The following DGKQ variants were observed in gnomAD, a reference collection of about 807,000 sequenced individuals.
The protein encoded by DGKQ is DAG kinase theta.
Under a neutral mutation model 104.2 loss-of-function variants are expected in DGKQ, and 97 were observed. The ratio of observed to expected loss-of-function variants is 0.93; its 90% CI spans 0.79 to 1.10. The LOEUF (loss-of-function observed/expected upper bound fraction) is 1.10. DGKQ is among the 50% of genes least tolerant of loss of function. The probability of loss-of-function intolerance (pLI) is 0.00; values close to 1 mark genes in which losing one functional copy is unlikely to be tolerated. For synonymous variants in DGKQ, 736 were observed against 595.2 expected (o/e 1.24, Z -3.44); for missense variants, 1,465 against 1,352.1 (o/e 1.08, Z -1.31).
In DGKQ at chr4:961,184, C is replaced by T; in HGVS notation, c.2592G>A (p.Gly864=). The change falls in exon 22 of 23, where the codon GGG becomes GGA. Residue 864 remains glycine, a synonymous_variant. Coordinates refer to ENST00000273814, the MANE Select transcript of DGKQ (RefSeq NM_001347.4). ...GGGCAATCCGGATTCCGGAGCGCAG[C>T]CCACCCTGGACCTGGCCCTGGGGCG... ...GVVHMGQVQG[G]LRSGIRIAQG... The T allele has an allele frequency of 1.3e-6, 2 of 1,580,026 alleles. No individual in the cohort carries two copies. The highest frequency in any genetic ancestry group is 1.7e-6 in the Non-Finnish European group (2 of 1,163,586).
rs1458431205 is a variant in DGKQ, at chr4:960,305, C to G, written c.*315G>C. On this transcript the variant is annotated 3_prime_UTR_variant, in exon 23 of 23. Transcript: ENST00000273814. ...AGTGGGGAGAGGGATGGGTGCCCAC[C>G]CCTGAGGAGAGGACCAGGCCCCCAC... 1 of 443,246 alleles carries G rather than the reference C, an allele frequency of 2.3e-6. No homozygotes were observed. Among genetic ancestry groups the G allele is most frequent in the Admixed American group, 3.5e-5 (1 of 28,734 alleles). The allele number at this position is 443,246 out of a possible 1,614,324, so 27.5% of individuals were successfully genotyped here. A position where few individuals can be genotyped will look rare whatever the true frequency, so the allele number is the denominator to read the frequency against.
intron 22 of DGKQ, 95 bp downstream of exon 22, chr4:960,954 C>T (rs1054133143): frequency 3.4e-5 from 52 of 1,548,160 alleles, no homozygotes; most frequent in South Asian, 2.9e-4. Context: ...TGGCCGCAGC[C>T]GGCCATGCCA....
At position 960,547 on chromosome 4, in the gene DGKQ, G is replaced by A; in HGVS notation, c.*73C>T. On this transcript the variant is annotated 3_prime_UTR_variant, in exon 23 of 23. Coordinates refer to ENST00000273814, the MANE Select transcript of DGKQ (RefSeq NM_001347.4). Reference sequence around the variant, plus strand: ...CCGGCCACTGTGTGGACGTGGAGCTGCCTCCAGACCACCTGAAAACAAGGC... The same window carrying A: ...CCGGCCACTGTGTGGACGTGGAGCTACCTCCAGACCACCTGAAAACAAGGC... 3 of 1,397,172 alleles carry A rather than the reference G, an allele frequency of 2.1e-6. No homozygotes were observed. Among genetic ancestry groups the A allele is most frequent in the South Asian group, 1.2e-5 (1 of 84,840 alleles). The allele number at this position is 1,397,172 out of a possible 1,614,324, so 86.5% of individuals were successfully genotyped here. A position where few individuals can be genotyped will look rare whatever the true frequency, so the allele number is the denominator to read the frequency against.
intron 16 of DGKQ, 98 bp downstream of exon 16, chr4:963,041 C>T: frequency 6.7e-7 from 1 of 1,486,736 alleles, no homozygotes; most frequent in Non-Finnish European, 9.0e-7. Flanking sequence ...AGCACGGGAT[C>T]CCCGTGGAGC....
intron 14 of DGKQ, 40 bp from the exon 15 acceptor site, chr4:965,331 TG>T: frequency 6.3e-7 from 1 of 1,588,536 alleles, no homozygotes; most frequent in Non-Finnish European, 8.6e-7. Context: ...GCCTGTCCCA[TG>T]GCCCCCACGG....
chr4:970,921 A>T, intron 2 of DGKQ, 72 bp downstream of exon 2: 1 of 1,222,426 alleles, frequency 8.2e-7, no homozygotes, highest in Non-Finnish European at 1.2e-6. Flanking sequence ...GAAGGTTTTC[A>T]GTGCCTCGAC....
chr4:965,808 C>T (rs921900779), intron 13 of DGKQ, 120 bp downstream of exon 13: 20 of 1,193,906 alleles, frequency 1.7e-5, no homozygotes, highest in Middle Eastern at 2.9e-4. Flanking sequence ...GGGCTGGACC[C>T]GGAGCTCAGG....
Position 961,844 on chromosome 4 carries a change from G to C in DGKQ, c.2316-10C>G. 6.3e-7 allele frequency: 1 copy of C among 1,592,816 alleles called. No individual in the cohort carries two copies. Among genetic ancestry groups the C allele is most frequent in the East Asian group, 2.2e-5 (1 of 44,702 alleles). Reference sequence around the variant, plus strand: ...ACCCTTGTTGTGCAGCCTGCAGGACGGGGCAGGTCACCCATCACCAGGGGA... The same window carrying C: ...ACCCTTGTTGTGCAGCCTGCAGGACCGGGCAGGTCACCCATCACCAGGGGA... On this transcript the variant is annotated splice_polypyrimidine_tract_variant and intron_variant, in intron 19 of 22. Transcript: ENST00000273814.
At position 972,512 on chromosome 4, in the gene DGKQ, T is replaced by C. The variant is rs1713009277; in HGVS notation, c.271+700A>G. Among the ~76,000 whole-genome samples the C allele has an allele frequency of 2.6e-5, 4 of 152,076 alleles. No individual in the cohort carries two copies. The South Asian group carries it at 8.3e-4, about 32-fold the overall frequency. ...GCGTCCCTGGCCAGGACACAGTAAG[T>C]GTCAAACGTCCAGAACTCCGGTCCT... On this transcript the variant is annotated intron_variant, in intron 1 of 22. Coordinates refer to ENST00000273814, the MANE Select transcript of DGKQ (RefSeq NM_001347.4).
Position 973,423 on chromosome 4 carries a change from G to T in DGKQ, c.60C>A (p.Pro20=). 2.0e-6 allele frequency: 2 copies of T among 994,238 alleles called. No individual in the cohort carries two copies. Among genetic ancestry groups the T allele is most frequent in the Non-Finnish European group, 1.2e-6 (1 of 837,296 alleles). The allele number at this position is 994,238 out of a possible 1,614,324, so 61.6% of individuals were successfully genotyped here. A position where few individuals can be genotyped will look rare whatever the true frequency, so the allele number is the denominator to read the frequency against. ...GCACGGGGCTGCAGGCCGGGCTGCC[G>T]GGGCGCGGGGAGCCGCCGCCCAGCC... The part of the protein sequence containing the change: ...RAWLGGGSPR[P]GSPACSPVLG... Residue 20 remains proline (P), a synonymous_variant, in exon 1 of 23, where the codon CCC becomes CCA. Transcript: ENST00000273814.
At chr4:960,955 G>C in intron 22 of DGKQ, 94 bp downstream of exon 22, 1 of 1,551,522 alleles carries the variant, frequency 6.4e-7, no homozygotes, top group Non-Finnish European at 8.7e-7. Context: ...GGCCGCAGCC[G>C]GCCATGCCAG....
At chr4:963,363 T>C (rs1311187747) in intron 15 of DGKQ, 73 bp from the exon 16 acceptor site, 12 of 1,433,554 alleles carry the variant, frequency 8.4e-6, no homozygotes, top group Non-Finnish European at 1.1e-5. Flanking sequence ...TGCCAGGCAG[T>C]GCCCAGCCCC....
chr4:966,334 C>G, intron 12 of DGKQ, 132 bp downstream of exon 12: 1 of 1,061,686 alleles, frequency 9.4e-7, no homozygotes, highest in Non-Finnish European at 1.4e-6. Flanking sequence ...GACGAGGGCG[C>G]TGCCCTGTCA....
Position 968,534 on chromosome 4 carries a change from A to C in DGKQ, c.482T>G (p.Val161Gly). 1 of 1,609,670 alleles carries C rather than the reference A, an allele frequency of 6.2e-7. No homozygotes were observed. The highest frequency in any genetic ancestry group is 8.5e-7 in the Non-Finnish European group (1 of 1,178,648). The change falls in exon 4 of 23, where the codon GTG (valine) becomes GGG (glycine). Residue 161 changes from valine (V) to glycine (G), a missense_variant. Physicochemically the swap from Val to Gly is moderately radical, Grantham distance 109 (BLOSUM62 -3). Transcript: ENST00000273814. ...GCGGCAGTCACTGCAGGCGAAGGGC[A>C]CACAGTCTGGGTGGAGGTGCAGCTC... is the stretch of plus-strand genomic sequence containing the variant. ...VCELHLHPDC[V>G]PFACSDCRQC...
At chr4:972,462 G>A (rs968382547) in intron 1 of DGKQ, among the ~76,000 whole-genome samples, 1 of 152,206 alleles carries the variant, frequency 6.6e-6, no homozygotes, top group Admixed American at 6.5e-5. Flanking sequence ...AAGGCCTGAG[G>A]CTAAGGATAG....
chr4:968,708 C>A (rs1712677811), intron 3 of DGKQ, 103 bp downstream of exon 3: 1 of 1,362,284 alleles, frequency 7.3e-7, no homozygotes, highest in Admixed American at 2.2e-5. Context: ...AGCCCTTGGC[C>A]TCCCCCATCA....
intron 5 of DGKQ, 37 bp from the exon 6 acceptor site, chr4:968,064 C>T: frequency 1.9e-5 from 26 of 1,380,092 alleles, no homozygotes; most frequent in Non-Finnish European, 2.3e-5. Context: ...GGGTTGGAGC[C>T]AGGGTGCGGG....
chr4:960,455 G>A lies in DGKQ; in HGVS notation c.*165C>T. 2 of 633,524 alleles carry A rather than the reference G, an allele frequency of 3.2e-6. No individual in the cohort carries two copies. Among genetic ancestry groups the A allele is most frequent in the Middle Eastern group, 3.5e-4 (1 of 2,840 alleles). 39.2% of individuals were successfully genotyped at this position (633,524 alleles called of 1,614,324 possible). A position where few individuals can be genotyped will look rare whatever the true frequency, so the allele number is the denominator to read the frequency against. The stretch of plus-strand genomic sequence containing the variant: ...CCAACATGTGTCACCAATGGGATGA[G>A]GGCGGGTCCCGCTCCGTCACTGGGA... On this transcript the variant is annotated 3_prime_UTR_variant, in exon 23 of 23. Transcript: ENST00000273814.
In DGKQ at chr4:968,263, T is replaced by TCCACCTCCCAGCACCCACCCAAC; in HGVS notation, c.663+18_663+19insGTTGGGTGGGTGCTGGGAGGTGG. ...CCTCTCCTGCCCCACCCCCACCCCC[T>TCCACCTCCCAGCACCCACCCAAC]CGACTTCCCAGCGCCCACCTGGACC... On this transcript the variant is annotated intron_variant, in intron 5 of 22. Coordinates refer to ENST00000273814, the MANE Select transcript of DGKQ (RefSeq NM_001347.4). 2.3e-6 allele frequency: 1 copy of TCCACCTCCCAGCACCCACCCAAC among 425,782 alleles called. No homozygotes were observed. The highest frequency in any genetic ancestry group is 3.1e-6 in the Non-Finnish European group (1 of 319,654). The allele number at this position is 425,782 out of a possible 1,614,324, so 26.4% of individuals were successfully genotyped here.
Sources: allele counts gnomAD v4.1 joint callset (sites outside exome capture counted in the v4.1 genomes callset), GRCh38; gene constraint gnomAD v4.1.1; transcripts MANE v1.5; gene names NCBI Gene and HGNC (gene_info 2026-07-23, HGNC 2026-07-21).